CMIP: variants seen among roughly 807,000 people sequenced by gnomAD.
The protein encoded by CMIP is C-Maf-inducing protein.
CMIP carries 13 observed loss-of-function variants against 97.3 expected under a neutral mutation model. The observed-to-expected ratio is 0.13, with a 90% CI of 0.09 to 0.21. CMIP has a LOEUF of 0.21. CMIP is among the 10% of genes least tolerant of loss of function. CMIP has a pLI of 1.00. For missense variants in CMIP, 847 were observed against 1,024.9 expected (o/e 0.83, Z 2.37); for synonymous variants, 538 against 436.3 (o/e 1.23, Z -2.91).
chr16:81,558,462 A>T (rs527966839), intron 1 of CMIP, among the ~76,000 whole-genome samples: 2 of 152,200 alleles, frequency 1.3e-5, no homozygotes, highest in South Asian at 4.1e-4. Context: ...ATTATTTTCC[A>T]TAGTGGCTGC....
chr16:81,669,362 A>C (rs1597223569), intron 7 of CMIP, among the ~76,000 whole-genome samples: 1 of 42,024 alleles, frequency 2.4e-5, no homozygotes, highest in Non-Finnish European at 5.3e-5. Flanking sequence ...ACCTCCTTCC[A>C]CACCCACCTC....
At chr16:81,635,335 G>T (rs188423087) in intron 3 of CMIP, among the ~76,000 whole-genome samples, 199 of 152,226 alleles carry the variant, frequency 1.3e-3, no homozygotes, top group African/African-American at 4.5e-3. Context: ...CCTCAGGAGG[G>T]TTGGCACACA....
chr16:81,596,246 C>G (rs545811146), intron 1 of CMIP, among the ~76,000 whole-genome samples: 1 of 152,220 alleles, frequency 6.6e-6, no homozygotes, highest in East Asian at 1.9e-4. Flanking sequence ...TGGCTCACGC[C>G]TGTAATCCCA....
At chr16:81,633,361 C>T (rs1027764346) in intron 3 of CMIP, among the ~76,000 whole-genome samples, 1 of 152,176 alleles carries the variant, frequency 6.6e-6, no homozygotes, top group African/African-American at 2.4e-5. Context: ...TTGTTGGCCT[C>T]CAGGGCTCCC....
At chr16:81,684,959 A>G (rs969341372) in intron 10 of CMIP, among the ~76,000 whole-genome samples, 4 of 152,204 alleles carry the variant, frequency 2.6e-5, no homozygotes, top group Non-Finnish European at 4.4e-5. Flanking sequence ...GCCCGCCCAG[A>G]GCCAGGGCAG....
intron 1 of CMIP, among the ~76,000 whole-genome samples, chr16:81,562,267 G>A (rs896922955): frequency 5.9e-5 from 9 of 152,212 alleles, no homozygotes; most frequent in Admixed American, 5.9e-4. Flanking sequence ...AGAACACACT[G>A]AGGCTCCGCA....
rs1035133669 is a variant in CMIP at position 81,563,337 on chromosome 16, G to A, written c.301-44230G>A. Among the ~76,000 whole-genome samples the A allele has an allele frequency of 3.3e-5, 5 of 152,354 alleles. No homozygotes were observed. In the East Asian group the frequency reaches 9.6e-4, roughly 29 times the overall value. On this transcript the variant is annotated intron_variant, in intron 1 of 20. Coordinates refer to ENST00000537098, the MANE Select transcript of CMIP (RefSeq NM_198390.3). ...AGTCCTGAGTTCAAATCCCAGCTCT[G>A]CCTCTTTCTGTTTTGTGGACTCCAG...
chr16:81,477,318 G>A (rs1907987377), intron 1 of CMIP, among the ~76,000 whole-genome samples: 1 of 152,022 alleles, frequency 6.6e-6, no homozygotes. Context: ...CCACACCCAC[G>A]CCTGGCTAAT....
chr16:81,496,483 A>C (rs1267817136), intron 1 of CMIP, among the ~76,000 whole-genome samples: 1 of 152,248 alleles, frequency 6.6e-6, no homozygotes, highest in Admixed American at 6.5e-5. Flanking sequence ...GACAAAGACC[A>C]ATTAAAATTT....
intron 1 of CMIP, among the ~76,000 whole-genome samples, chr16:81,548,498 C>T (rs2090592160): frequency 6.6e-6 from 1 of 151,976 alleles, no homozygotes; most frequent in South Asian, 2.1e-4. Context: ...TCCCTGGCCT[C>T]CACTCACTAG....
In CMIP at chr16:81,695,085, G is replaced by C. The variant is rs75828846; in HGVS notation, c.1531-1475G>C. On this transcript the variant is annotated intron_variant, in intron 13 of 20. Transcript: ENST00000537098. ...GAGTAGAGAGGCAGGGCCAGCTGCTGGGAGGGTAATTCTCAAACCAGGGAA... is the reference window on the plus strand; with the variant it reads ...GAGTAGAGAGGCAGGGCCAGCTGCTCGGAGGGTAATTCTCAAACCAGGGAA... 9.1e-3 allele frequency among the ~76,000 whole-genome samples: 1,378 copies of C among 152,258 alleles called. 29 individuals carry two copies. The highest frequency in any genetic ancestry group is 0.032 in the African/African-American group (1,317 of 41,536).
At chr16:81,447,402 C>G (rs1905925702) in intron 1 of CMIP, among the ~76,000 whole-genome samples, 1 of 152,106 alleles carries the variant, frequency 6.6e-6, no homozygotes, top group South Asian at 2.1e-4. Context: ...CGTCCTGTTT[C>G]CGGAAAGCCA....
chr16:81,504,194 TG>T (rs1400119683), intron 1 of CMIP, among the ~76,000 whole-genome samples: 4 of 152,028 alleles, frequency 2.6e-5, no homozygotes, highest in African/African-American at 9.7e-5. Flanking sequence ...GGCGTGGTCG[TG>T]GGCGCCAGTA....
chr16:81,682,480 A>G (rs922993522), intron 10 of CMIP, among the ~76,000 whole-genome samples: 3 of 151,726 alleles, frequency 2.0e-5, no homozygotes, highest in South Asian at 2.1e-4. Context: ...CAGGAGAATC[A>G]CTTGAACCCG....
intron 1 of CMIP, among the ~76,000 whole-genome samples, chr16:81,578,449 G>A (rs2091239490): frequency 6.6e-6 from 1 of 152,164 alleles, no homozygotes; most frequent in Non-Finnish European, 1.5e-5. Flanking sequence ...ACTTTGAATT[G>A]TATACCTGAG....
intron 1 of CMIP, among the ~76,000 whole-genome samples, chr16:81,450,965 T>A (rs9926618): frequency 0.69 from 105,030 of 152,106 alleles, 37,179 homozygotes; most frequent in African/African-American, 0.86. Context: ...CACTGGACAG[T>A]ATATTTTGGA....
chr16:81,568,064 G>A (rs2091016485), intron 1 of CMIP, among the ~76,000 whole-genome samples: 1 of 114,546 alleles, frequency 8.7e-6, no homozygotes. Context: ...TTTTTTTGAA[G>A]CTGGAAGAAA....
At chr16:81,455,257 C>G (rs1382497068) in intron 1 of CMIP, among the ~76,000 whole-genome samples, 1 of 152,194 alleles carries the variant, frequency 6.6e-6, no homozygotes, top group Non-Finnish European at 1.5e-5. Flanking sequence ...AGCGGCCACT[C>G]GTGTGATTAG....
rs144110538 is a variant in CMIP, at chr16:81,512,602, G to C, written c.300+67061G>C. Among the ~76,000 whole-genome samples, 1,393 of 152,200 alleles carry C rather than the reference G, an allele frequency of 9.2e-3. 22 individuals carry two copies. The highest frequency in any genetic ancestry group is 0.032 in the African/African-American group (1,338 of 41,528). On this transcript the variant is annotated intron_variant, in intron 1 of 20. Transcript: ENST00000537098. Reference sequence around the variant, plus strand: ...ACTCTTCCCCTTTGTATCAAGTTTAGAGTAATAAACTGATTTTGTAGCATC... The same window carrying C: ...ACTCTTCCCCTTTGTATCAAGTTTACAGTAATAAACTGATTTTGTAGCATC...
Sources: allele counts gnomAD v4.1 joint callset (sites outside exome capture counted in the v4.1 genomes callset), GRCh38; gene constraint gnomAD v4.1.1; transcripts MANE v1.5; gene names NCBI Gene and HGNC (gene_info 2026-07-23, HGNC 2026-07-21).